The following PGCKA1 variants were observed in gnomAD, a reference collection of about 807,000 sequenced individuals.
PGCKA1 encodes PDCD10 and GCKIII kinases-associated protein 1.
chr4:37,560,718 C>T, the PGCKA1 span, among the ~76,000 whole-genome samples: 6 of 152,122 alleles, frequency 3.9e-5, no homozygotes, highest in Non-Finnish European at 7.4e-5. Flanking sequence ...CACTTAAAAT[C>T]ACCCTTGCCT....
the PGCKA1 span, among the ~76,000 whole-genome samples, chr4:37,464,302 G>A: frequency 6.6e-6 from 1 of 152,280 alleles, no homozygotes; most frequent in South Asian, 2.1e-4. Context: ...CTCTCATCGG[G>A]TTTGAATTTT....
the PGCKA1 span, among the ~76,000 whole-genome samples, chr4:37,519,771 T>C: frequency 1.3e-5 from 2 of 152,218 alleles, no homozygotes; most frequent in African/African-American, 4.8e-5. Context: ...TCTTATTTAA[T>C]GGCTCTAGCT....
chr4:37,549,492 A>G, the PGCKA1 span, among the ~76,000 whole-genome samples: 1 of 152,250 alleles, frequency 6.6e-6, no homozygotes, highest in Non-Finnish European at 1.5e-5. Flanking sequence ...TGTTAGCACA[A>G]GAAGCAGATA....
At chr4:37,514,591 C>T in the PGCKA1 span, among the ~76,000 whole-genome samples, 2 of 152,144 alleles carry the variant, frequency 1.3e-5, no homozygotes, top group African/African-American at 2.4e-5. Context: ...AGTACACACA[C>T]ATACACCCCC....
the PGCKA1 span, among the ~76,000 whole-genome samples, chr4:37,528,171 T>C: frequency 6.6e-6 from 1 of 152,230 alleles, no homozygotes; most frequent in Non-Finnish European, 1.5e-5. Context: ...GGGCTTGTTT[T>C]TATTCTGAGT....
chr4:37,528,268 C>T, the PGCKA1 span, among the ~76,000 whole-genome samples: 1 of 152,160 alleles, frequency 6.6e-6, no homozygotes, highest in African/African-American at 2.4e-5. Flanking sequence ...TCATTCACAT[C>T]CTCGGCAAGG....
At chr4:37,540,694 C>T in the PGCKA1 span, among the ~76,000 whole-genome samples, 1 of 151,378 alleles carries the variant, frequency 6.6e-6, no homozygotes, top group African/African-American at 2.4e-5. Context: ...GAATCGTATC[C>T]AAGGAAGATG....
the PGCKA1 span, among the ~76,000 whole-genome samples, chr4:37,550,820 A>G: frequency 0.19 from 29,497 of 152,080 alleles, 3,218 homozygotes; most frequent in East Asian, 0.43. Flanking sequence ...ATCAATGGCC[A>G]TGGGAATCCC....
chr4:37,577,033 C>T, the PGCKA1 span, among the ~76,000 whole-genome samples: 1 of 151,978 alleles, frequency 6.6e-6, no homozygotes, highest in African/African-American at 2.4e-5. Flanking sequence ...GGATATTGGC[C>T]TGTAGTTTTC....
the PGCKA1 span, among the ~76,000 whole-genome samples, chr4:37,461,349 G>A: frequency 6.6e-6 from 1 of 151,780 alleles, no homozygotes. Context: ...TTCTAATTTT[G>A]TGAATAATGT....
the PGCKA1 span, among the ~76,000 whole-genome samples, chr4:37,508,832 C>T: frequency 1.1e-4 from 16 of 149,304 alleles, no homozygotes; most frequent in Admixed American, 1.0e-3. Context: ...TGCGGCCTTC[C>T]GCAGTGTTTG....
the PGCKA1 span, among the ~76,000 whole-genome samples, chr4:37,572,803 C>T: frequency 1.3e-5 from 2 of 152,030 alleles, no homozygotes; most frequent in African/African-American, 2.4e-5. Flanking sequence ...ATTTTTACTT[C>T]GTTTTCACTG....
the PGCKA1 span, among the ~76,000 whole-genome samples, chr4:37,569,977 T>TC: frequency 2.2e-5 from 2 of 92,230 alleles, no homozygotes; most frequent in South Asian, 4.2e-4. Context: ...CTGCATATAA[T>TC]CCTTTTTTTT....
the PGCKA1 span, among the ~76,000 whole-genome samples, chr4:37,514,387 T>A: frequency 6.6e-6 from 1 of 152,182 alleles, no homozygotes; most frequent in Non-Finnish European, 1.5e-5. Flanking sequence ...ACTAAAGATA[T>A]CTACTTTAAC....
At chr4:37,512,992 G>A in the PGCKA1 span, among the ~76,000 whole-genome samples, 1 of 151,928 alleles carries the variant, frequency 6.6e-6, no homozygotes, top group African/African-American at 2.4e-5. Context: ...GGAGGCTGAG[G>A]TAGGAGAATC....
the PGCKA1 span, among the ~76,000 whole-genome samples, chr4:37,463,507 A>G: frequency 6.6e-6 from 1 of 152,234 alleles, no homozygotes; most frequent in Non-Finnish European, 1.5e-5. Flanking sequence ...AAAATGGAAG[A>G]GATCCACTGC....
At chr4:37,567,514 T>C in the PGCKA1 span, among the ~76,000 whole-genome samples, 1 of 152,212 alleles carries the variant, frequency 6.6e-6, no homozygotes, top group Admixed American at 6.5e-5. Flanking sequence ...GTCACAAAGC[T>C]AGTAAGCAGT....
At chr4:37,574,618 C>T in the PGCKA1 span, among the ~76,000 whole-genome samples, 1 of 152,122 alleles carries the variant, frequency 6.6e-6, no homozygotes, top group Non-Finnish European at 1.5e-5. Flanking sequence ...AAGTGATATT[C>T]TTTAATTATT....
the PGCKA1 span, among the ~76,000 whole-genome samples, chr4:37,491,184 A>G: frequency 6.6e-6 from 1 of 152,120 alleles, no homozygotes; most frequent in African/African-American, 2.4e-5. Flanking sequence ...TTACTTCCTG[A>G]CACCTTAATG....
Sources: gnomAD v4.1 joint callset for allele counts (sites outside exome capture counted in the v4.1 genomes callset) on GRCh38, gnomAD v4.1.1 for gene constraint, MANE v1.5 for transcripts, NCBI Gene and HGNC (gene_info 2026-07-23, HGNC 2026-07-21) for gene names.